Variants in PRPSAP2 observed in about 807,000 individuals in gnomAD.
The protein encoded by PRPSAP2 is phosphoribosyl pyrophosphate synthetase associated protein 2.
A neutral mutation model predicts 40.6 loss-of-function variants in PRPSAP2; 24 were observed. That is an observed-to-expected ratio of 0.59 (90% CI 0.43 to 0.83). The LOEUF (loss-of-function observed/expected upper bound fraction) is 0.83. PRPSAP2 is among the 40% of genes least tolerant of loss of function. The pLI, the probability that PRPSAP2 is intolerant of heterozygous loss-of-function variation, is 0.00. For missense variants in PRPSAP2, 292 were observed against 465.6 expected (o/e 0.63, Z 3.43); for synonymous variants, 149 against 164.7 (o/e 0.90, Z 0.73).
intron 7 of PRPSAP2, among the ~76,000 whole-genome samples, chr17:18,885,414 A>C (rs1053379125): frequency 6.7e-6 from 1 of 148,966 alleles, no homozygotes; most frequent in African/African-American, 2.5e-5. Flanking sequence ...AAAAAAAAAA[A>C]AAAAAAAAAA....
chr17:18,926,259 ATTTATTTAT>A (rs1460670895), intron 10 of PRPSAP2, among the ~76,000 whole-genome samples: 3 of 130,226 alleles, frequency 2.3e-5, no homozygotes, highest in Non-Finnish European at 3.5e-5. Context: ...TTATTTATTT[ATTTATTTAT>A]TTCTATTTTT....
At chr17:18,928,002 T>C (rs1001283618) in intron 10 of PRPSAP2, among the ~76,000 whole-genome samples, 1 of 152,160 alleles carries the variant, frequency 6.6e-6, no homozygotes, top group African/African-American at 2.4e-5. Flanking sequence ...CAGGCTGGTC[T>C]TGAACCCCTG....
chr17:18,923,831 T>C, intron 9 of PRPSAP2, 83 bp from the exon 10 acceptor site: 1 of 1,257,108 alleles, frequency 8.0e-7, no homozygotes, highest in Non-Finnish European at 1.1e-6. Context: ...TTGAATGTTT[T>C]TATCTTGAGA....
intron 9 of PRPSAP2, among the ~76,000 whole-genome samples, chr17:18,919,633 T>C (rs1389277903): frequency 6.6e-6 from 1 of 152,164 alleles, no homozygotes; most frequent in Non-Finnish European, 1.5e-5. Flanking sequence ...GCCACTGCAC[T>C]CCAGCCTGTG....
intron 7 of PRPSAP2, 133 bp from the exon 8 acceptor site, chr17:18,889,689 T>C (rs1255496154): frequency 4.7e-6 from 3 of 636,246 alleles, no homozygotes; most frequent in Non-Finnish European, 5.2e-6. Context: ...CCTTTCTTCA[T>C]TTTCCAAAGG....
intron 6 of PRPSAP2, among the ~76,000 whole-genome samples, chr17:18,880,585 T>A (rs1426185503): frequency 6.6e-6 from 1 of 152,056 alleles, no homozygotes; most frequent in Non-Finnish European, 1.5e-5. Flanking sequence ...TTTTTTGTAT[T>A]TTTAGTAGAA....
chr17:18,886,982 G>C, intron 7 of PRPSAP2, among the ~76,000 whole-genome samples: 1 of 134,516 alleles, frequency 7.4e-6, no homozygotes, highest in Middle Eastern at 4.4e-3. Context: ...TGTTGCCCAG[G>C]CTGGAGTGCA....
intron 4 of PRPSAP2, 134 bp downstream of exon 4, chr17:18,867,468 G>C: frequency 9.5e-7 from 1 of 1,052,098 alleles, no homozygotes; most frequent in Non-Finnish European, 1.4e-6. Context: ...AGGCAGGCAA[G>C]GTAGAACAGA....
intron 4 of PRPSAP2, among the ~76,000 whole-genome samples, chr17:18,870,397 C>CA (rs1379232044): frequency 6.6e-6 from 1 of 150,602 alleles, no homozygotes; most frequent in Non-Finnish European, 1.5e-5. Context: ...AGATGTGTCC[C>CA]AAAAAAAGAA....
chr17:18,898,415 T>G (rs984001124), intron 8 of PRPSAP2, among the ~76,000 whole-genome samples: 11 of 152,238 alleles, frequency 7.2e-5, no homozygotes, highest in Non-Finnish European at 1.6e-4. Flanking sequence ...AAGTTTAGTT[T>G]ATTGTTTCCT....
In PRPSAP2 at chr17:18,867,262, T is replaced by C. The variant is rs971426125; in HGVS notation, c.120-20T>C. The C allele has an allele frequency of 5.6e-6, 9 of 1,613,128 alleles. No homozygotes were observed. The African/African-American group carries it at 8.0e-5, about 14-fold the overall frequency. On this transcript the variant is annotated intron_variant, in intron 3 of 11. Transcript: ENST00000268835. ...TTCTTCTATTACTTTTTCAGCTTTTTCCCCCTTTCTCTTCTCTAGGCGGCT... is the reference window on the plus strand; with the variant it reads ...TTCTTCTATTACTTTTTCAGCTTTTCCCCCCTTTCTCTTCTCTAGGCGGCT...
At chr17:18,882,756 T>G in intron 7 of PRPSAP2, 73 bp downstream of exon 7, 1 of 992,828 alleles carries the variant, frequency 1.0e-6, no homozygotes, top group Non-Finnish European at 1.6e-6. Context: ...TTCCTTAGGA[T>G]ACCCCTAAAG....
chr17:18,874,434 T>C (rs1408312555), intron 5 of PRPSAP2, among the ~76,000 whole-genome samples: 1 of 152,232 alleles, frequency 6.6e-6, no homozygotes, highest in Non-Finnish European at 1.5e-5. Context: ...CGGGAGACTT[T>C]AGTCTTGGAA....
intron 1 of PRPSAP2, chr17:18,858,732 C>T (rs756830410): frequency 6.6e-6 from 1 of 152,112 alleles, no homozygotes; most frequent in South Asian, 2.1e-4. Context: ...TGAGGGGGAA[C>T]CGTGATGAAA....
At chr17:18,909,390 T>C (rs966232031) in intron 8 of PRPSAP2, among the ~76,000 whole-genome samples, 2 of 151,960 alleles carry the variant, frequency 1.3e-5, no homozygotes, top group African/African-American at 2.4e-5. Flanking sequence ...TACAGGTGCC[T>C]GCCACCCAGT....
intron 7 of PRPSAP2, among the ~76,000 whole-genome samples, chr17:18,883,577 T>C (rs1597597765): frequency 6.6e-6 from 1 of 151,914 alleles, no homozygotes; most frequent in Non-Finnish European, 1.5e-5. Flanking sequence ...TTAGTAGAGA[T>C]GGGGTTTCAC....
chr17:18,881,322 G>A (rs964250471), intron 6 of PRPSAP2, among the ~76,000 whole-genome samples: 1 of 148,604 alleles, frequency 6.7e-6, no homozygotes, highest in Non-Finnish European at 1.5e-5. Context: ...TGCAACCTCC[G>A]CCCCCCCAGG....
Position 18,877,875 on chromosome 17 carries a change from G to A in PRPSAP2, c.412+5G>A, listed in dbSNP as rs766145956. 6.9e-6 allele frequency: 11 copies of A among 1,584,284 alleles called. No individual in the cohort carries two copies. Among genetic ancestry groups the A allele is most frequent in the Non-Finnish European group, 8.6e-6 (10 of 1,167,872 alleles). ...CTTCCATGATGTGCAAAGCTGGTAA[G>A]AATGGCAGATGTTTCACAATTAATT... On this transcript the variant is annotated splice_donor_5th_base_variant and intron_variant, in intron 6 of 11. Transcript: ENST00000268835.
At chr17:18,865,993 T>G (rs756882819) in intron 3 of PRPSAP2, 41 bp downstream of exon 3, 1 of 1,306,920 alleles carries the variant, frequency 7.7e-7, no homozygotes, top group South Asian at 2.5e-5. Context: ...ATTCATTATG[T>G]GATGCTTTAA....
Sources: gnomAD v4.1 joint callset for allele counts (sites outside exome capture counted in the v4.1 genomes callset) on GRCh38, gnomAD v4.1.1 for gene constraint, MANE v1.5 for transcripts, NCBI Gene and HGNC (gene_info 2026-07-23, HGNC 2026-07-21) for gene names.